The following EPHB1 variants were observed in gnomAD, a reference collection of about 807,000 sequenced individuals.
EPHB1 encodes ephrin type-B receptor 1.
In EPHB1, 30 loss-of-function variants were observed where a neutral mutation model predicts 94.4. The ratio of observed to expected loss-of-function variants is 0.32; its 90% CI spans 0.24 to 0.43. EPHB1 has a LOEUF of 0.43. Among genes scored for constraint, EPHB1 ranks in the 20% least tolerant of loss-of-function variants. EPHB1 has a pLI of 1.00. For missense variants in EPHB1, 1,055 were observed against 1,308.3 expected, an observed-to-expected ratio of 0.81 and a Z score of 2.99; for synonymous variants, 522 against 489.1, an observed-to-expected ratio of 1.07 and a Z score of -0.89.
chr3:135,136,923 A>G (rs1465320115), intron 5 of EPHB1, among the ~76,000 whole-genome samples: 1 of 152,192 alleles, frequency 6.6e-6, no homozygotes, highest in Admixed American at 6.5e-5. Flanking sequence ...CCAGTGGCCA[A>G]GTGATCTGCA....
intron 1 of EPHB1, among the ~76,000 whole-genome samples, chr3:134,805,901 G>C (rs2036034311): frequency 6.6e-6 from 1 of 152,040 alleles, no homozygotes; most frequent in Non-Finnish European, 1.5e-5. Flanking sequence ...TTCCACACTG[G>C]TATCCAGTTG....
intron 5 of EPHB1, among the ~76,000 whole-genome samples, chr3:135,143,952 G>A (rs887225952): frequency 6.6e-6 from 1 of 152,330 alleles, no homozygotes; most frequent in East Asian, 1.9e-4. Context: ...ACTGCAGCCT[G>A]CCTCCTCCTC....
chr3:135,208,711 C>T (rs1942963348), intron 12 of EPHB1, among the ~76,000 whole-genome samples: 1 of 152,146 alleles, frequency 6.6e-6, no homozygotes, highest in African/African-American at 2.4e-5. Flanking sequence ...GAATTGTATG[C>T]TGTGGAATCA....
intron 3 of EPHB1, among the ~76,000 whole-genome samples, chr3:134,980,261 G>A (rs1266057045): frequency 1.3e-5 from 2 of 152,140 alleles, no homozygotes; most frequent in African/African-American, 4.8e-5. Context: ...CTTCCTCATA[G>A]CATGGTGGTC....
chr3:135,000,969 C>T (rs1015975181), intron 3 of EPHB1, among the ~76,000 whole-genome samples: 14 of 152,198 alleles, frequency 9.2e-5, no homozygotes, highest in Admixed American at 1.3e-4. Context: ...TTTGTTCTGA[C>T]TCCCCTCCTC....
In EPHB1 at chr3:134,904,863, A is replaced by G. The variant is rs1218694894; in HGVS notation, c.59-20953A>G. Among the ~76,000 whole-genome samples, 8 of 152,312 alleles carry G rather than the reference A, an allele frequency of 5.3e-5. No homozygotes were observed. The East Asian group carries it at 1.5e-3, about 29-fold the overall frequency. On this transcript the variant is annotated intron_variant, in intron 1 of 15. Coordinates refer to ENST00000398015, the MANE Select transcript of EPHB1 (RefSeq NM_004441.5). ...GTGAAAGAGATCTGTTTTTGACAAA[A>G]TGTTCTTGTTTGGGTCTGCTATGCC...
chr3:135,056,508 T>A (rs1937355655), intron 3 of EPHB1, among the ~76,000 whole-genome samples: 1 of 152,226 alleles, frequency 6.6e-6, no homozygotes, highest in South Asian at 2.1e-4. Flanking sequence ...AGCAACAGAT[T>A]CCCTAGAAGG....
intron 10 of EPHB1, among the ~76,000 whole-genome samples, chr3:135,182,050 A>T (rs966044823): frequency 1.3e-5 from 2 of 152,178 alleles, no homozygotes; most frequent in Non-Finnish European, 2.9e-5. Context: ...ATCCTTGTGG[A>T]TGTTAACTTA....
At chr3:134,989,866 C>T (rs919686911) in intron 3 of EPHB1, among the ~76,000 whole-genome samples, 8 of 152,110 alleles carry the variant, frequency 5.3e-5, no homozygotes, top group Non-Finnish European at 7.4e-5. Flanking sequence ...AGTCACACTT[C>T]GATTTTAAAT....
At chr3:134,862,055 G>A (rs1019483830) in intron 1 of EPHB1, among the ~76,000 whole-genome samples, 12 of 152,114 alleles carry the variant, frequency 7.9e-5, no homozygotes, top group African/African-American at 2.7e-4. Flanking sequence ...AGGGATTCCC[G>A]AGAACATTGA....
At chr3:135,081,589 C>T (rs1269570168) in intron 3 of EPHB1, among the ~76,000 whole-genome samples, 1 of 152,170 alleles carries the variant, frequency 6.6e-6, no homozygotes, top group South Asian at 2.1e-4. Context: ...ATGGGCTGCT[C>T]GCCACTGCTG....
At chr3:135,180,099 C>T in intron 10 of EPHB1, 117 bp downstream of exon 10, 1 of 1,211,792 alleles carries the variant, frequency 8.3e-7, no homozygotes, top group Non-Finnish European at 1.2e-6. Context: ...CTTCTATCTT[C>T]TTTCTCCTCA....
intron 1 of EPHB1, among the ~76,000 whole-genome samples, chr3:134,803,889 G>A (rs2035980697): frequency 6.6e-6 from 1 of 152,136 alleles, no homozygotes; most frequent in South Asian, 2.1e-4. Flanking sequence ...GGCACAGACA[G>A]TCCTGCTCTG....
At chr3:135,017,572 T>C (rs1461963045) in intron 3 of EPHB1, among the ~76,000 whole-genome samples, 2 of 152,184 alleles carry the variant, frequency 1.3e-5, no homozygotes, top group African/African-American at 2.4e-5. Flanking sequence ...ACAGCTCTTC[T>C]GCTAGGCTTG....
chr3:135,069,463 T>A (rs1473292693), intron 3 of EPHB1, among the ~76,000 whole-genome samples: 1 of 152,168 alleles, frequency 6.6e-6, no homozygotes, highest in Admixed American at 6.5e-5. Context: ...TAGGTACTGA[T>A]GGGAGCTGTC....
At chr3:135,234,596 A>T (rs1943605042) in intron 12 of EPHB1, among the ~76,000 whole-genome samples, 1 of 152,236 alleles carries the variant, frequency 6.6e-6, no homozygotes, top group African/African-American at 2.4e-5. Context: ...TAATAAAGAC[A>T]TACCCAAGAC....
chr3:135,076,273 C>T (rs1240966419), intron 3 of EPHB1, among the ~76,000 whole-genome samples: 1 of 116,960 alleles, frequency 8.5e-6, no homozygotes. Flanking sequence ...CTCTTAAATG[C>T]ATTAGTAAAA....
intron 4 of EPHB1, among the ~76,000 whole-genome samples, chr3:135,109,009 G>A (rs1939336155): frequency 6.6e-6 from 1 of 152,202 alleles, no homozygotes; most frequent in African/African-American, 2.4e-5. Flanking sequence ...GAGGGAACAA[G>A]GGGAAGGTGC....
At chr3:134,958,472 C>T (rs1933372657) in intron 3 of EPHB1, among the ~76,000 whole-genome samples, 1 of 150,834 alleles carries the variant, frequency 6.6e-6, no homozygotes, top group Non-Finnish European at 1.5e-5. Flanking sequence ...CTGGAAGCCA[C>T]ATTCAAGGGC....
Sources: allele counts gnomAD v4.1 joint callset (sites outside exome capture counted in the v4.1 genomes callset), GRCh38; gene constraint gnomAD v4.1.1; transcripts MANE v1.5; gene names NCBI Gene and HGNC (gene_info 2026-07-23, HGNC 2026-07-21).